The following CC2D2A variants were observed in gnomAD, a reference collection of about 807,000 sequenced individuals.
CC2D2A encodes the protein coiled-coil and C2 domain containing 2A.
CC2D2A carries 155 observed loss-of-function variants against 212.9 expected under a neutral mutation model. The ratio of observed to expected loss-of-function variants is 0.73; its 90% CI spans 0.64 to 0.83. CC2D2A has a LOEUF of 0.83. Ranked by LOEUF, CC2D2A falls within the 40% of genes least tolerant of loss-of-function variation. The pLI is 0.00. For synonymous variants in CC2D2A, 667 were observed against 686.5 expected (o/e 0.97, Z 0.44); for missense variants, 1,856 against 1,956.2 (o/e 0.95, Z 0.97).
intron 8 of CC2D2A, among the ~76,000 whole-genome samples, chr4:15,512,323 G>A (rs200716201): frequency 2.0e-5 from 3 of 152,126 alleles, no homozygotes; most frequent in African/African-American, 4.8e-5. Context: ...AGTGTTCATC[G>A]GAAGATAAAT....
intron 3 of CC2D2A, 72 bp downstream of exon 3, chr4:15,478,878 A>G (rs1432900606): frequency 1.6e-6 from 2 of 1,240,664 alleles, no homozygotes; most frequent in East Asian, 5.1e-5. Flanking sequence ...CCAGGGCCAT[A>G]CAGAATCCAC....
chr4:15,485,379 T>C (rs1424195313), intron 4 of CC2D2A, among the ~76,000 whole-genome samples: 2 of 152,234 alleles, frequency 1.3e-5, no homozygotes, highest in African/African-American at 4.8e-5. Context: ...CATTTATCCA[T>C]TGATGGATAC....
intron 34 of CC2D2A, among the ~76,000 whole-genome samples, chr4:15,596,585 G>A (rs1721332266): frequency 1.3e-5 from 2 of 151,972 alleles, no homozygotes; most frequent in Admixed American, 6.6e-5. Context: ...TAACTTACAG[G>A]GTCCTGACCA....
chr4:15,475,557 G>C (rs1160278296), intron 1 of CC2D2A, among the ~76,000 whole-genome samples: 2 of 152,116 alleles, frequency 1.3e-5, no homozygotes, highest in Non-Finnish European at 2.9e-5. Context: ...GCCCTCTCTG[G>C]TCTTGTCTTT....
chr4:15,593,964 TAA>T (rs1279495089), intron 33 of CC2D2A, among the ~76,000 whole-genome samples: 1 of 152,134 alleles, frequency 6.6e-6, no homozygotes, highest in African/African-American at 2.4e-5. Context: ...CTATCTCACT[TAA>T]GAGTCAAAGC....
At chr4:15,572,416 G>A (rs1023562321) in intron 28 of CC2D2A, among the ~76,000 whole-genome samples, 1 of 152,054 alleles carries the variant, frequency 6.6e-6, no homozygotes, top group African/African-American at 2.4e-5. Flanking sequence ...AGTACATTTT[G>A]GAGAATGACT....
chr4:15,537,187 G>T, intron 15 of CC2D2A, 111 bp downstream of exon 15: 1 of 874,000 alleles, frequency 1.1e-6, no homozygotes, highest in Admixed American at 2.9e-5. Flanking sequence ...GTATCCTGTG[G>T]CTCCCTCTGT....
At chr4:15,601,210 A>G (rs1721578447) in intron 36 of CC2D2A, 27 bp from the exon 37 acceptor site, 2 of 1,572,950 alleles carry the variant, frequency 1.3e-6, no homozygotes, top group Non-Finnish European at 1.7e-6. Flanking sequence ...AACTTCACTA[A>G]TGACTACAAA....
chr4:15,479,534 C>A (rs949173093), intron 3 of CC2D2A, among the ~76,000 whole-genome samples: 2 of 152,074 alleles, frequency 1.3e-5, no homozygotes, highest in African/African-American at 4.8e-5. Flanking sequence ...AAGAGACCTC[C>A]CTCCTAGCTC....
intron 7 of CC2D2A, among the ~76,000 whole-genome samples, chr4:15,510,750 C>T (rs1476210438): frequency 6.6e-6 from 1 of 152,066 alleles, no homozygotes; most frequent in Non-Finnish European, 1.5e-5. Context: ...CATGGAAAGA[C>T]AGGAAATGTT....
intron 4 of CC2D2A, among the ~76,000 whole-genome samples, chr4:15,493,249 T>A (rs1715417896): frequency 6.9e-6 from 1 of 145,780 alleles, no homozygotes; most frequent in African/African-American, 2.6e-5. Flanking sequence ...TTATTTATTA[T>A]TTATTTATTT....
chr4:15,586,691 G>A (rs2109088992), intron 31 of CC2D2A, among the ~76,000 whole-genome samples: 1 of 152,198 alleles, frequency 6.6e-6, no homozygotes, highest in Admixed American at 6.5e-5. Flanking sequence ...GGCTATAAAT[G>A]AAATAAACAT....
chr4:15,571,841 G>A (rs1189704210), intron 28 of CC2D2A, among the ~76,000 whole-genome samples: 2 of 152,138 alleles, frequency 1.3e-5, no homozygotes, highest in Non-Finnish European at 2.9e-5. Flanking sequence ...GTTTGGCATT[G>A]CTAAATTTCA....
intron 17 of CC2D2A, among the ~76,000 whole-genome samples, chr4:15,545,615 A>G (rs1161037915): frequency 2.0e-5 from 3 of 152,124 alleles, no homozygotes; most frequent in African/African-American, 7.2e-5. Flanking sequence ...GGCTTGAGAT[A>G]AGAATGCCAA....
At chr4:15,558,742 G>A (rs1254845903) in intron 21 of CC2D2A, among the ~76,000 whole-genome samples, 2 of 152,024 alleles carry the variant, frequency 1.3e-5, no homozygotes, top group Non-Finnish European at 2.9e-5. Flanking sequence ...AGCAGACAAA[G>A]CCAGATGTAT....
chr4:15,591,579 G>A (rs772168209), intron 33 of CC2D2A, among the ~76,000 whole-genome samples: 10 of 152,098 alleles, frequency 6.6e-5, no homozygotes, highest in Middle Eastern at 3.4e-3. Flanking sequence ...TGCCAAGCAC[G>A]CAGCAAAATA....
chr4:15,520,800 C>G (rs1717157899), intron 11 of CC2D2A, among the ~76,000 whole-genome samples: 1 of 152,088 alleles, frequency 6.6e-6, no homozygotes, highest in African/African-American at 2.4e-5. Flanking sequence ...GGCCAGTGAA[C>G]AACCTCTCCT....
chr4:15,496,837 C>T (rs1715647376), intron 4 of CC2D2A, among the ~76,000 whole-genome samples: 1 of 152,058 alleles, frequency 6.6e-6, no homozygotes, highest in African/African-American at 2.4e-5. Context: ...AATAAAATGC[C>T]TAGAAATACA....
Position 15,569,319 on chromosome 4 carries a change from C to T in CC2D2A, c.3425C>T (p.Ala1142Val), listed in dbSNP as rs1252635827. The T allele has an allele frequency of 6.3e-6, 10 of 1,581,320 alleles. No individual in the cohort carries two copies. The highest frequency in any genetic ancestry group is 6.9e-6 in the Non-Finnish European group (8 of 1,161,672). The part of the protein sequence containing the change: ...FRAPNGDYST[A>V]SLQSVKDVVF... ...GCTCCTAATGGAGATTATAGCACAG[C>T]CAGTCTGCAGTCAGTGAAAGATGTT... The change falls in exon 27 of 37, where the codon GCC becomes GTC. Residue 1142 changes from alanine to valine, a missense_variant. Around this residue, in one of 5 missense-constraint regions of CC2D2A, gnomAD observed 1,512 missense variants for 1,579.3 expected, o/e 0.96. Transcript: ENST00000424120.
Sources: allele counts gnomAD v4.1 joint callset (sites outside exome capture counted in the v4.1 genomes callset), GRCh38; gene constraint gnomAD v4.1.1; regional missense constraint gnomAD v4.1.1; transcripts MANE v1.5; gene names NCBI Gene and HGNC (gene_info 2026-07-23, HGNC 2026-07-21).